Variants in ADARB2 observed in about 807,000 individuals in gnomAD.
ADARB2 encodes inactive double-stranded RNA-specific editase B2.
Under a neutral mutation model 62.2 loss-of-function variants are expected in ADARB2, and 25 were observed. The observed-to-expected ratio is 0.40, with a 90% confidence interval of 0.29 to 0.56. The LOEUF (loss-of-function observed/expected upper bound fraction) is 0.56. ADARB2 is among the 20% of genes least tolerant of loss of function. The pLI is 0.43. For synonymous variants in ADARB2, 572 were observed against 500.8 expected, an observed-to-expected ratio of 1.14 and a Z score of -1.90; for missense variants, 1,071 against 1,077.4, an observed-to-expected ratio of 0.99 and a Z score of 0.08.
intron 7 of ADARB2, among the ~76,000 whole-genome samples, chr10:1,213,059 C>T (rs939734825): frequency 1.8e-4 from 27 of 152,080 alleles, no homozygotes; most frequent in Non-Finnish European, 3.4e-4. Flanking sequence ...GCTCAGGGAG[C>T]TCATCAATGA....
At chr10:1,348,686 A>G (rs1329256710) in intron 3 of ADARB2, among the ~76,000 whole-genome samples, 7 of 152,126 alleles carry the variant, frequency 4.6e-5, no homozygotes, top group Non-Finnish European at 8.8e-5. Context: ...AGGGCTGTGA[A>G]GGCCCCGAGA....
At chr10:1,451,362 C>A (rs940362872) in intron 1 of ADARB2, among the ~76,000 whole-genome samples, 13 of 152,210 alleles carry the variant, frequency 8.5e-5, no homozygotes, top group African/African-American at 3.1e-4. Flanking sequence ...CAGCCACCAA[C>A]TTTGCACCTG....
rs1263614356 is a variant in ADARB2 at position 1,542,845 on chromosome 10, G to A, written c.101-163685C>T. Among the ~76,000 whole-genome samples the A allele has an allele frequency of 1.5e-5, 2 of 130,492 alleles. 1 individual carries two copies. The highest frequency in any genetic ancestry group is 1.6e-4 in the Admixed American group (2 of 12,444). The allele number at this position is 130,492 out of a possible 152,430, so 85.6% of individuals were successfully genotyped here. On this transcript the variant is annotated intron_variant, in intron 1 of 9. Transcript: ENST00000381312. ...GCAGTTCAGACCCTGGATCACAGCCGCCCAGACCCCACTCAGATGTAGTTC... is the reference window on the plus strand; with the variant it reads ...GCAGTTCAGACCCTGGATCACAGCCACCCAGACCCCACTCAGATGTAGTTC...
intron 1 of ADARB2, among the ~76,000 whole-genome samples, chr10:1,662,321 T>A (rs936544752): frequency 6.6e-6 from 1 of 152,152 alleles, no homozygotes; most frequent in Non-Finnish European, 1.5e-5. Context: ...GGAGAGGAGA[T>A]GGGCCTCCAT....
At chr10:1,357,981 C>G (rs1832212413) in intron 3 of ADARB2, among the ~76,000 whole-genome samples, 1 of 152,202 alleles carries the variant, frequency 6.6e-6, no homozygotes, top group Non-Finnish European at 1.5e-5. Flanking sequence ...GTCTTTCTCT[C>G]TGGTGTAGAT....
rs555793748 is a variant in ADARB2 at position 1,687,561 on chromosome 10, GATTTTAT to G, written c.100+49483_100+49489del. ...GACAGCCTCATTATTCTCTTTGATT[GATTTTAT>G]AAGAGATTAAAGTTATGCATTAGAT... is the stretch of plus-strand genomic sequence containing the variant. On this transcript the variant is annotated intron_variant, in intron 1 of 9. Transcript: ENST00000381312. 1.5e-3 allele frequency among the ~76,000 whole-genome samples: 225 copies of G among 151,508 alleles called. 1 individual carries two copies. Among genetic ancestry groups the G allele is most frequent in the Non-Finnish European group, 2.7e-3 (184 of 67,908 alleles).
intron 1 of ADARB2, among the ~76,000 whole-genome samples, chr10:1,388,646 A>G (rs1832543829): frequency 6.6e-6 from 1 of 152,156 alleles, no homozygotes; most frequent in South Asian, 2.1e-4. Flanking sequence ...CTTAGGTATA[A>G]TCTGAAGAAA....
intron 3 of ADARB2, among the ~76,000 whole-genome samples, chr10:1,309,296 G>A (rs964897305): frequency 7.2e-5 from 11 of 152,316 alleles, no homozygotes; most frequent in East Asian, 3.9e-4. Flanking sequence ...GCCTCTCAGC[G>A]GATCCTGACT....
intron 4 of ADARB2, among the ~76,000 whole-genome samples, chr10:1,268,919 C>G (rs1369609302): frequency 6.6e-6 from 1 of 152,164 alleles, no homozygotes; most frequent in African/African-American, 2.4e-5. Context: ...TTACTATTTT[C>G]CACATGAAGT....
rs192168791 is a variant in ADARB2, at chr10:1,686,589, G to C, written c.100+50462C>G. 9.9e-5 allele frequency among the ~76,000 whole-genome samples: 15 copies of C among 152,260 alleles called. No homozygotes were observed. The East Asian group carries it at 2.5e-3, about 26-fold the overall frequency. On this transcript the variant is annotated intron_variant, in intron 1 of 9. Coordinates refer to ENST00000381312, the MANE Select transcript of ADARB2 (RefSeq NM_018702.4). ...TCGTCACATGAGTAAGGAAACGTAC[G>C]GGACTGTGAACCCGCTGGGCTTCCG... is the stretch of plus-strand genomic sequence containing the variant.
At chr10:1,195,396 T>A (rs924546756) in intron 8 of ADARB2, among the ~76,000 whole-genome samples, 3 of 132,398 alleles carry the variant, frequency 2.3e-5, no homozygotes, top group African/African-American at 7.3e-5. Context: ...ACAGTTTTTT[T>A]TTTGTTTTTT....
At chr10:1,683,501 G>A (rs1220629912) in intron 1 of ADARB2, among the ~76,000 whole-genome samples, 1 of 152,216 alleles carries the variant, frequency 6.6e-6, no homozygotes, top group Non-Finnish European at 1.5e-5. Flanking sequence ...CTCCTTGAAG[G>A]CTGCAATGCA....
At chr10:1,228,592 C>G (rs1040167001) in intron 6 of ADARB2, among the ~76,000 whole-genome samples, 2 of 152,210 alleles carry the variant, frequency 1.3e-5, no homozygotes, top group African/African-American at 4.8e-5. Context: ...CCTTAACTGA[C>G]CTGGCCCCTC....
At chr10:1,492,728 C>G (rs1272328964) in intron 1 of ADARB2, among the ~76,000 whole-genome samples, 2 of 151,958 alleles carry the variant, frequency 1.3e-5, no homozygotes, top group African/African-American at 2.4e-5. Context: ...CTGGGGGACC[C>G]CGGCCTTCTG....
intron 1 of ADARB2, among the ~76,000 whole-genome samples, chr10:1,715,833 G>T (rs116027332): frequency 6.6e-6 from 1 of 152,222 alleles, no homozygotes; most frequent in Non-Finnish European, 1.5e-5. Flanking sequence ...CTCCAACACC[G>T]CTGCTCACCC....
intron 1 of ADARB2, among the ~76,000 whole-genome samples, chr10:1,669,593 C>T (rs1834356057): frequency 6.6e-6 from 1 of 151,250 alleles, no homozygotes; most frequent in Non-Finnish European, 1.5e-5. Context: ...CACTCACAAA[C>T]ACAGACACAC....
At chr10:1,366,775 G>C (rs1393082006) in intron 2 of ADARB2, among the ~76,000 whole-genome samples, 2 of 152,152 alleles carry the variant, frequency 1.3e-5, no homozygotes, top group African/African-American at 4.8e-5. Context: ...GAGCCCACAG[G>C]CTGCCCCACG....
At chr10:1,344,443 G>A (rs1832059830) in intron 3 of ADARB2, among the ~76,000 whole-genome samples, 1 of 152,200 alleles carries the variant, frequency 6.6e-6, no homozygotes, top group Non-Finnish European at 1.5e-5. Flanking sequence ...CCTGCCTTTA[G>A]TAAAGAATTA....
chr10:1,616,325 A>G (rs1254418793), intron 1 of ADARB2, among the ~76,000 whole-genome samples: 1 of 152,202 alleles, frequency 6.6e-6, no homozygotes, highest in Non-Finnish European at 1.5e-5. Flanking sequence ...AAAAAGAAAA[A>G]CGAGGATCAG....
Sources: gnomAD v4.1 joint callset for allele counts (sites outside exome capture counted in the v4.1 genomes callset) on GRCh38, gnomAD v4.1.1 for gene constraint, MANE v1.5 for transcripts, NCBI Gene and HGNC (gene_info 2026-07-23, HGNC 2026-07-21) for gene names.